FRMD8: variants seen among roughly 807,000 people sequenced by gnomAD.
FRMD8 encodes FERM domain containing 8.
FRMD8 carries 37 observed loss-of-function variants against 54.2 expected under a neutral mutation model. That is an observed-to-expected ratio of 0.68 (90% CI 0.53 to 0.90). FRMD8 has a LOEUF of 0.90. Ranked by LOEUF, FRMD8 falls within the 40% of genes least tolerant of loss-of-function variation. The pLI, the probability that FRMD8 is intolerant of heterozygous loss-of-function variation, is 0.00. For missense variants in FRMD8, 585 were observed against 653.7 expected (o/e 0.89, Z 1.15); for synonymous variants, 246 against 286.9 (o/e 0.86, Z 1.44).
chr11:65,394,137 C>G, intron 5 of FRMD8, 38 bp downstream of exon 5: 1 of 1,609,282 alleles, frequency 6.2e-7, no homozygotes, highest in Non-Finnish European at 8.5e-7. Flanking sequence ...CAGGCCTGGC[C>G]CCTTGTGCCC....
upstream of FRMD8, among the ~76,000 whole-genome samples, chr11:65,384,209 T>C (rs546389457): frequency 8.5e-5 from 13 of 152,218 alleles, no homozygotes; most frequent in East Asian, 2.5e-3. Context: ...AAAATGTTCT[T>C]ACTGTCTAAC....
chr11:65,396,810 A>C lies in FRMD8; in HGVS notation c.593A>C (p.Asp198Ala). 6.5e-7 allele frequency: 1 copy of C among 1,533,138 alleles called. No individual in the cohort carries two copies. Among genetic ancestry groups the C allele is most frequent in the Non-Finnish European group, 8.8e-7 (1 of 1,139,470 alleles). The allele number at this position is 1,533,138 out of a possible 1,614,324, so 95.0% of individuals were successfully genotyped here. ...TCCTTCCTCCACAGGGAGAAGCTGGACTCCTTCCTCCCTGCCCACCTCTGT... is the reference window on the plus strand; with the variant it reads ...TCCTTCCTCCACAGGGAGAAGCTGGCCTCCTTCCTCCCTGCCCACCTCTGT... ...PAACDLREKL[D>A]SFLPAHLCKR... Residue 198 changes from aspartate to alanine, a missense_variant, in exon 7 of 11, where the codon GAC (aspartate) becomes GCC (alanine). Transcript: ENST00000317568.
At chr11:65,392,394 T>G (rs60594709) in intron 3 of FRMD8, among the ~76,000 whole-genome samples, 4,925 of 152,234 alleles carry the variant, frequency 0.032, 312 homozygotes, top group African/African-American at 0.11. Flanking sequence ...GAGATGTGGA[T>G]CAGGCAGCGC....
At position 65,409,113 on chromosome 11, in the gene FRMD8, T is replaced by A. The variant is rs145677758; in HGVS notation, c.1277-2129T>A. On this transcript the variant is annotated intron_variant, in intron 10 of 10. Coordinates refer to ENST00000317568, the MANE Select transcript of FRMD8 (RefSeq NM_031904.5). ...GGAAATTTTTTTTTTTTTGAGACAG[T>A]CTTGCTCTGTTGCCCAGGCTGGAGT... is the stretch of plus-strand genomic sequence containing the variant. 2.7e-3 allele frequency among the ~76,000 whole-genome samples: 405 copies of A among 151,986 alleles called. 1 individual carries two copies. The highest frequency in any genetic ancestry group is 4.0e-3 in the Non-Finnish European group (273 of 67,936).
the FRMD8 span, chr11:65,379,063 C>G: frequency 1.6e-5 from 6 of 363,954 alleles, no homozygotes; most frequent in Admixed American, 9.1e-5. Flanking sequence ...GGGGAGTGGG[C>G]TCCCCACAGC....
In FRMD8 at chr11:65,412,174, G is replaced by A. The variant is rs1207811360; in HGVS notation, c.*814G>A. Reference sequence around the variant, plus strand: ...CCTGGCCTCCAGACCCACACTCACAGTCTGTGAAAAACTGAAAATCCCCTG... The same window carrying A: ...CCTGGCCTCCAGACCCACACTCACAATCTGTGAAAAACTGAAAATCCCCTG... On this transcript the variant is annotated 3_prime_UTR_variant, in exon 11 of 11. Coordinates refer to ENST00000317568, the MANE Select transcript of FRMD8 (RefSeq NM_031904.5). The A allele has an allele frequency of 1.3e-5, 2 of 152,314 alleles. No homozygotes were observed. Among genetic ancestry groups the A allele is most frequent in the South Asian group, 2.1e-4 (1 of 4,832 alleles). The allele number at this position is 152,314 out of a possible 1,614,324, so 9.4% of individuals were successfully genotyped here.
At chr11:65,377,182 C>T in the FRMD8 span, 15,430 of 1,465,350 alleles carry the variant, frequency 0.011, 115 homozygotes, top group Non-Finnish European at 0.012. Flanking sequence ...ATCTTCCAGT[C>T]CCTCAGGAAC....
At chr11:65,370,776 G>C in the FRMD8 span, among the ~76,000 whole-genome samples, 7 of 151,590 alleles carry the variant, frequency 4.6e-5, no homozygotes, top group African/African-American at 1.7e-4. Flanking sequence ...GGTAAAGAGG[G>C]AGTCGAGGCC....
intron 7 of FRMD8, among the ~76,000 whole-genome samples, chr11:65,398,119 G>A (rs1590654105): frequency 2.6e-5 from 4 of 151,996 alleles, no homozygotes; most frequent in African/African-American, 7.2e-5. Context: ...CAGGTGATCC[G>A]CCTGCCTCAG....
At chr11:65,408,513 T>C (rs898503116) in intron 10 of FRMD8, among the ~76,000 whole-genome samples, 5 of 151,922 alleles carry the variant, frequency 3.3e-5, no homozygotes, top group African/African-American at 9.7e-5. Flanking sequence ...TTTTCAGCGT[T>C]CAGCTCTTCT....
chr11:65,406,384 C>G (rs1007661492), intron 10 of FRMD8, among the ~76,000 whole-genome samples: 1 of 151,762 alleles, frequency 6.6e-6, no homozygotes, highest in Non-Finnish European at 1.5e-5. Context: ...GTAGTAGAGA[C>G]GGGGTTTCAC....
intron 3 of FRMD8, among the ~76,000 whole-genome samples, chr11:65,391,573 C>T (rs1221102278): frequency 1.1e-4 from 17 of 152,012 alleles, no homozygotes; most frequent in Admixed American, 1.1e-3. Context: ...TGCAGTGGTG[C>T]AATCCCAGCT....
chr11:65,383,515 T>C (rs1425423577), upstream of FRMD8: 1 of 152,376 alleles, frequency 6.6e-6, no homozygotes, highest in Admixed American at 6.5e-5. Context: ...CCCAGCACTT[T>C]GGGAGGCCGA....
chr11:65,369,480 G>C, the FRMD8 span, among the ~76,000 whole-genome samples: 1 of 151,888 alleles, frequency 6.6e-6, no homozygotes, highest in Non-Finnish European at 1.5e-5. Context: ...TGTAATTCCA[G>C]CACTTTGGGA....
intron 6 of FRMD8, among the ~76,000 whole-genome samples, chr11:65,395,037 A>G (rs1471211124): frequency 6.6e-6 from 1 of 152,126 alleles, no homozygotes; most frequent in South Asian, 2.1e-4. Context: ...GCTTAAGGTC[A>G]GGAGTATGAG....
chr11:65,399,974 G>GAGGC, intron 8 of FRMD8, 115 bp downstream of exon 8: 1 of 1,274,788 alleles, frequency 7.8e-7, no homozygotes, highest in Non-Finnish European at 1.1e-6. Flanking sequence ...GACTGTCTGG[G>GAGGC]AGGGACCCTG....
chr11:65,398,021 C>A lies in FRMD8; in HGVS notation c.803+1001C>A, dbSNP rs564783469. ...CTCCCAAGTAGCTGGGACTACAGGTCTGCACCACTATGCACGGCTAATTTT... is the reference window on the plus strand; with the variant it reads ...CTCCCAAGTAGCTGGGACTACAGGTATGCACCACTATGCACGGCTAATTTT... On this transcript the variant is annotated intron_variant, in intron 7 of 10. Transcript: ENST00000317568. Among the ~76,000 whole-genome samples the A allele has an allele frequency of 2.2e-4, 33 of 151,928 alleles. 1 individual carries two copies. The highest frequency in any genetic ancestry group is 7.2e-4 in the African/African-American group (30 of 41,426).
chr11:65,376,512 T>A, the FRMD8 span: 1 of 1,614,060 alleles, frequency 6.2e-7, no homozygotes, highest in Admixed American at 1.7e-5. Flanking sequence ...AGACTCCCAG[T>A]CCTTCCTGCC....
the FRMD8 span, chr11:65,380,534 C>A: frequency 7.3e-7 from 1 of 1,370,382 alleles, no homozygotes; most frequent in Non-Finnish European, 9.6e-7. Flanking sequence ...AGGTTCCCAC[C>A]TCTCCGAGAG....
Sources: allele counts gnomAD v4.1 joint callset (sites outside exome capture counted in the v4.1 genomes callset), GRCh38; gene constraint gnomAD v4.1.1; transcripts MANE v1.5; gene names NCBI Gene and HGNC (gene_info 2026-07-23, HGNC 2026-07-21).